RAD18: variants seen among roughly 807,000 people sequenced by gnomAD.
RAD18 encodes RAD18 E3 ubiquitin protein ligase, also known as E3 ubiquitin-protein ligase RAD18.
A neutral mutation model predicts 60.4 loss-of-function variants in RAD18; 47 were observed. The ratio of observed to expected loss-of-function variants is 0.78; its 90% CI spans 0.62 to 0.99. RAD18 has a LOEUF of 0.99. RAD18 is among the 50% of genes least tolerant of loss of function. The pLI is 0.00. For synonymous variants in RAD18, 225 were observed against 195.5 expected (o/e 1.15, Z -1.26); for missense variants, 640 against 593.3 (o/e 1.08, Z -0.82).
At position 8,913,679 on chromosome 3, in the gene RAD18, T is replaced by C. The variant is rs1307841611; in HGVS notation, c.931A>G (p.Arg311Gly). ...AGTTTACTAGCTTCAAGACGCATCC[T>C]AGTCTTCTCTATATTTTCGATTTCT... Reference protein sequence around the residue: ...VREIENIEKTRMRLEASKLNE... With the variant: ...VREIENIEKTGMRLEASKLNE... The change falls in exon 8 of 13, where the codon AGG (arginine) becomes GGG (glycine). Residue 311 changes from arginine to glycine, a missense_variant. Transcript: ENST00000264926. 14 of 1,578,410 alleles carry C rather than the reference T, an allele frequency of 8.9e-6. No individual in the cohort carries two copies. Among genetic ancestry groups the C allele is most frequent in the Non-Finnish European group, 7.8e-6 (9 of 1,160,228 alleles).
In RAD18 at chr3:8,936,073, T is replaced by C. The variant is rs1940648267; in HGVS notation, c.705-18A>G. ...GAACAGAACTGAAAAGGGGGGAAGA[T>C]ACCTGATGATTATTGTGAATTATCA... On this transcript the variant is annotated intron_variant, in intron 6 of 12. Coordinates refer to ENST00000264926, the MANE Select transcript of RAD18 (RefSeq NM_020165.4). The C allele has an allele frequency of 1.4e-6, 2 of 1,466,826 alleles. No individual in the cohort carries two copies. The highest frequency in any genetic ancestry group is 1.5e-5 in the African/African-American group (1 of 68,892). 90.9% of individuals were successfully genotyped at this position (1,466,826 alleles called of 1,614,324 possible).
chr3:8,903,914 G>A (rs753734283), intron 9 of RAD18, among the ~76,000 whole-genome samples: 1 of 152,142 alleles, frequency 6.6e-6, no homozygotes, highest in African/African-American at 2.4e-5. Context: ...CTGGGTGTAG[G>A]GAAAAAATTG....
chr3:8,944,136 A>G (rs1940801418), intron 4 of RAD18, among the ~76,000 whole-genome samples: 2 of 152,214 alleles, frequency 1.3e-5, no homozygotes, highest in African/African-American at 2.4e-5. Flanking sequence ...CAAATCCTAT[A>G]AAGAAGATAA....
intron 9 of RAD18, among the ~76,000 whole-genome samples, chr3:8,910,745 A>G (rs1452081753): frequency 6.6e-6 from 1 of 152,260 alleles, no homozygotes; most frequent in African/African-American, 2.4e-5. Context: ...AAAGGATGGA[A>G]GGGAAGCAAA....
At chr3:8,941,421 G>A (rs1267049194) in intron 5 of RAD18, 46 bp downstream of exon 5, 1 of 1,442,574 alleles carries the variant, frequency 6.9e-7, no homozygotes, top group East Asian at 2.4e-5. Context: ...TATGTCATGT[G>A]GATGAAAAGA....
At chr3:8,910,748 G>C (rs1197988919) in intron 9 of RAD18, among the ~76,000 whole-genome samples, 2 of 152,208 alleles carry the variant, frequency 1.3e-5, no homozygotes, top group African/African-American at 4.8e-5. Flanking sequence ...GGATGGAAGG[G>C]AAGCAAAGGT....
chr3:8,939,487 T>C, intron 6 of RAD18, 67 bp downstream of exon 6: 3 of 1,313,260 alleles, frequency 2.3e-6, no homozygotes, highest in Non-Finnish European at 3.2e-6. Flanking sequence ...ATACTGTAAT[T>C]TTCCCCCAAG....
intron 2 of RAD18, among the ~76,000 whole-genome samples, chr3:8,954,441 A>G (rs1940975903): frequency 2.0e-5 from 3 of 152,242 alleles, no homozygotes; most frequent in African/African-American, 7.2e-5. Context: ...GAGAAAAATT[A>G]TAGCAAGTGC....
At chr3:8,952,707 T>C (rs897347086) in intron 2 of RAD18, among the ~76,000 whole-genome samples, 1 of 152,198 alleles carries the variant, frequency 6.6e-6, no homozygotes, top group Non-Finnish European at 1.5e-5. Context: ...TTTACATGTA[T>C]TAACTCTTTC....
At position 8,912,674 on chromosome 3, in the gene RAD18, G is replaced by A. The variant is rs1940123815; in HGVS notation, c.967-302C>T. Among the ~76,000 whole-genome samples, 3 of 149,658 alleles carry A rather than the reference G, an allele frequency of 2.0e-5. No individual in the cohort carries two copies. The South Asian group carries it at 6.4e-4, about 32-fold the overall frequency. Reference sequence around the variant, plus strand: ...ATATCCCACATTCATTAATACAACAGGCAATATTTGAAACCAGAAGACTAA... The same window carrying A: ...ATATCCCACATTCATTAATACAACAAGCAATATTTGAAACCAGAAGACTAA... On this transcript the variant is annotated intron_variant, in intron 8 of 12. Coordinates refer to ENST00000264926, the MANE Select transcript of RAD18 (RefSeq NM_020165.4).
At chr3:8,958,778 G>A (rs1941050385) in intron 2 of RAD18, 142 bp downstream of exon 2, 3 of 619,466 alleles carry the variant, frequency 4.8e-6, no homozygotes, top group Non-Finnish European at 8.6e-6. Context: ...GAGGAAGGCA[G>A]TGAAAAAGAC....
At chr3:8,908,082 G>A (rs1202287231) in intron 9 of RAD18, among the ~76,000 whole-genome samples, 2 of 152,136 alleles carry the variant, frequency 1.3e-5, no homozygotes, top group African/African-American at 4.8e-5. Flanking sequence ...GGAATTGTTG[G>A]ATCCGTCTCT....
Position 8,880,920 on chromosome 3 carries a change from C to A in RAD18, c.*437G>T. 1 of 162,804 alleles carries A rather than the reference C, an allele frequency of 6.1e-6. No individual in the cohort carries two copies. Among genetic ancestry groups the A allele is most frequent in the Non-Finnish European group, 1.3e-5 (1 of 74,742 alleles). The allele number at this position is 162,804 out of a possible 1,614,324, so 10.1% of individuals were successfully genotyped here. A position where few individuals can be genotyped will look rare whatever the true frequency, so the allele number is the denominator to read the frequency against. Reference sequence around the variant, plus strand: ...GATGTGAACTGACATCCCGCCTTTCCAAAAACAAACATTTAACTCAACTGT... The same window carrying A: ...GATGTGAACTGACATCCCGCCTTTCAAAAAACAAACATTTAACTCAACTGT... On this transcript the variant is annotated 3_prime_UTR_variant, in exon 13 of 13. Coordinates refer to ENST00000264926, the MANE Select transcript of RAD18 (RefSeq NM_020165.4).
At chr3:8,906,696 ATT>A (rs56371827) in intron 9 of RAD18, among the ~76,000 whole-genome samples, 89,305 of 146,698 alleles carry the variant, frequency 0.61, 29,153 homozygotes, top group Middle Eastern at 0.74. Flanking sequence ...CGTTTTCTAG[ATT>A]TTTTTTTTTT....
chr3:8,959,211 C>A (rs552147100), intron 1 of RAD18, among the ~76,000 whole-genome samples: 1 of 152,180 alleles, frequency 6.6e-6, no homozygotes, highest in African/African-American at 2.4e-5. Flanking sequence ...TCTCAGGTTG[C>A]CCAAATTGCT....
At position 8,941,496 on chromosome 3, in the gene RAD18, G is replaced by A. The variant is rs757664317; in HGVS notation, c.575C>T (p.Ser192Leu). ...AGTAACTTGTTTCAAAGTGGATGTC[G>A]AGGGTGGCTCAGGACGCTTAGCCTC... is the stretch of plus-strand genomic sequence containing the variant. Reference protein sequence around the residue: ...PSEAKRPEPPSTSTLKQVTKV... With the variant: ...PSEAKRPEPPLTSTLKQVTKV... Residue 192 changes from serine to leucine, a missense_variant, in exon 5 of 13, where the codon TCG (serine) becomes TTG (leucine). Ser to Leu is a moderately radical substitution (Grantham distance 145, BLOSUM62 -2). Transcript: ENST00000264926. 12 of 1,611,352 alleles carry A rather than the reference G, an allele frequency of 7.4e-6. No homozygotes were observed. The highest frequency in any genetic ancestry group is 6.7e-5 in the East Asian group (3 of 44,862).
At chr3:8,893,278 A>C (rs1939724476) in intron 11 of RAD18, among the ~76,000 whole-genome samples, 1 of 152,204 alleles carries the variant, frequency 6.6e-6, no homozygotes, top group East Asian at 1.9e-4. Flanking sequence ...CTGAGGATTA[A>C]GGATTACCTA....
intron 7 of RAD18, among the ~76,000 whole-genome samples, chr3:8,916,790 C>T (rs1218638941): frequency 6.6e-6 from 1 of 150,438 alleles, no homozygotes; most frequent in Non-Finnish European, 1.5e-5. Context: ...CAATCTGAAA[C>T]ACAGAGAGAG....
intron 7 of RAD18, among the ~76,000 whole-genome samples, chr3:8,924,140 C>T (rs201783534): frequency 1.4e-4 from 21 of 152,144 alleles, no homozygotes; most frequent in Non-Finnish European, 2.2e-4. Flanking sequence ...AGTCAAGACC[C>T]ATCAGTGTGC....
Sources: allele counts gnomAD v4.1 joint callset (sites outside exome capture counted in the v4.1 genomes callset), GRCh38; gene constraint gnomAD v4.1.1; transcripts MANE v1.5; gene names NCBI Gene and HGNC (gene_info 2026-07-23, HGNC 2026-07-21).